The following KCNH2 variants were observed in gnomAD, a reference collection of about 807,000 sequenced individuals.
The protein encoded by KCNH2 is voltage-gated inwardly rectifying potassium channel KCNH2.
Under a neutral mutation model 95.9 loss-of-function variants are expected in KCNH2, and 35 were observed. That is an observed-to-expected ratio of 0.37 (90% CI 0.28 to 0.48). KCNH2 has a LOEUF of 0.48. Ranked by LOEUF, KCNH2 falls within the 20% of genes least tolerant of loss-of-function variation. The probability of loss-of-function intolerance (pLI) is 0.99; values close to 1 mark genes in which losing one functional copy is unlikely to be tolerated. For missense variants in KCNH2, 1,274 were observed against 1,702.9 expected (o/e 0.75, Z 4.43); for synonymous variants, 786 against 754.7 (o/e 1.04, Z -0.68).
chr7:150,948,550 C>G lies in KCNH2; in HGVS notation c.2593-7G>C. 6.2e-7 allele frequency: 1 copy of G among 1,612,630 alleles called. No individual in the cohort carries two copies. The highest frequency in any genetic ancestry group is 8.5e-7 in the Non-Finnish European group (1 of 1,179,142). On this transcript the variant is annotated splice_polypyrimidine_tract_variant and splice_region_variant and intron_variant, in intron 10 of 14. Coordinates refer to ENST00000262186, the MANE Select transcript of KCNH2 (RefSeq NM_000238.4). ...AGCCCGGGATCATGTTGGTCTGGAA[C>G]CAAAATCAGTATCAGGGCCCTTTCA... is the stretch of plus-strand genomic sequence containing the variant.
At position 150,965,136 on chromosome 7, in the gene KCNH2, T is replaced by C. The variant is rs534441583; in HGVS notation, c.308-5400A>G. ...GCTCCTGCCTCCAGGATCTGGGAAA[T>C]GCAGCAGGTTGAGGGGCCCCAAGCT... On this transcript the variant is annotated intron_variant, in intron 2 of 14. Transcript: ENST00000262186. Among the ~76,000 whole-genome samples the C allele has an allele frequency of 2.0e-4, 30 of 152,078 alleles. 1 individual carries two copies. The highest frequency in any genetic ancestry group is 1.8e-3 in the Admixed American group (28 of 15,290).
In KCNH2 at chr7:150,962,330, A is replaced by C. The variant is rs1047769326; in HGVS notation, c.308-2594T>G. Among the ~76,000 whole-genome samples, 4 of 152,130 alleles carry C rather than the reference A, an allele frequency of 2.6e-5. No individual in the cohort carries two copies. Among genetic ancestry groups the C allele is most frequent in the Non-Finnish European group, 5.9e-5 (4 of 68,016 alleles). On this transcript the variant is annotated intron_variant, in intron 2 of 14. Coordinates refer to ENST00000262186, the MANE Select transcript of KCNH2 (RefSeq NM_000238.4). This position sits in a 1 kb window ranked among gnomAD's most constrained non-coding sequence, Gnocchi z 5.7. ...CCAGGCCCTCGAACCTAAGTCCTCC[A>C]CCAGGGAGCTTGCCTCAGAGAAGTC... is the stretch of plus-strand genomic sequence containing the variant.
In KCNH2 at chr7:150,952,464, G is replaced by T. The variant is rs1418058264; in HGVS notation, c.1518C>A (p.Ile506=). ...AGCCGAAGATGAGCAGGTCGAAGGG[G>T]ATGGCGGCCACCATGTCGATGAGGA... is the stretch of plus-strand genomic sequence containing the variant. ...GWFLIDMVAA[I]PFDLLIFGSG... The change falls in exon 6 of 15, where the codon ATC becomes ATA. Residue 506 remains isoleucine (I), a synonymous_variant. Coordinates refer to ENST00000262186, the MANE Select transcript of KCNH2 (RefSeq NM_000238.4). This position sits in a 1 kb window ranked among gnomAD's most constrained non-coding sequence, Gnocchi z 7.3. The T allele has an allele frequency of 1.2e-6, 2 of 1,614,162 alleles. No individual in the cohort carries two copies. The highest frequency in any genetic ancestry group is 2.2e-5 in the East Asian group (1 of 44,876).
intron 13 of KCNH2, 129 bp downstream of exon 13, chr7:150,947,199 G>T: frequency 8.9e-7 from 1 of 1,123,666 alleles, no homozygotes; most frequent in Non-Finnish European, 1.2e-6. Context: ...CCCCAGCTGG[G>T]CTAGGAATGG....
intron 1 of KCNH2, among the ~76,000 whole-genome samples, chr7:150,975,672 G>A (rs1801965516): frequency 6.6e-6 from 1 of 152,242 alleles, no homozygotes; most frequent in Admixed American, 6.5e-5. Context: ...CAAGGCTCCA[G>A]AGAAGTTCGG....
chr7:150,972,789 G>A (rs1192571513), intron 2 of KCNH2, among the ~76,000 whole-genome samples: 1 of 152,212 alleles, frequency 6.6e-6, no homozygotes, highest in East Asian at 1.9e-4. Flanking sequence ...CGAATGGGTT[G>A]GATTAGGTGA....
Position 150,947,628 on chromosome 7 carries a change from G to T in KCNH2, c.2943C>A (p.Ser981Arg). The stretch of plus-strand genomic sequence containing the variant: ...TACCTGACAGGGGGTTGCAAGTGTC[G>T]CTGCTCTTCTCGCAGTCCTCCATCA... Reference protein sequence around the residue: ...EPLMEDCEKSSDTCNPLSGAF... With the variant: ...EPLMEDCEKSRDTCNPLSGAF... Residue 981 changes from serine (S) to arginine (R), a missense_variant, in exon 12 of 15, where the codon AGC (serine) becomes AGA (arginine). Coordinates refer to ENST00000262186, the MANE Select transcript of KCNH2 (RefSeq NM_000238.4). 6.2e-7 allele frequency: 1 copy of T among 1,612,572 alleles called. No individual in the cohort carries two copies. Among genetic ancestry groups the T allele is most frequent in the Non-Finnish European group, 8.5e-7 (1 of 1,179,488 alleles).
chr7:150,970,770 C>G (rs562353611), intron 2 of KCNH2, among the ~76,000 whole-genome samples: 2 of 152,208 alleles, frequency 1.3e-5, no homozygotes, highest in African/African-American at 4.8e-5. Context: ...ATAGGAACAC[C>G]GCTGTCCCCA....
At chr7:150,976,252 G>GATAGGA (rs373542292) in intron 1 of KCNH2, among the ~76,000 whole-genome samples, 14 of 152,232 alleles carry the variant, frequency 9.2e-5, no homozygotes, top group African/African-American at 3.4e-4. Flanking sequence ...GGCACCCTGA[G>GATAGGA]ATAGGCCCAG....
chr7:150,949,753 G>A, intron 9 of KCNH2: 1 of 1,191,652 alleles, frequency 8.4e-7, no homozygotes, highest in Non-Finnish European at 1.1e-6. Context: ...TGGGGGGAGG[G>A]GGCAGGACTC....
rs1801572334 is a variant in KCNH2 at position 150,961,738 on chromosome 7, C to T, written c.308-2002G>A. The stretch of plus-strand genomic sequence containing the variant: ...AGACACCGGCAACCTGGAGGCGACG[C>T]CACCCCTGGGACTTGGAGCTGGTGC... On this transcript the variant is annotated intron_variant, in intron 2 of 14. Transcript: ENST00000262186. This position sits in a 1 kb window ranked among gnomAD's most constrained non-coding sequence, Gnocchi z 6.2. 6.6e-6 allele frequency among the ~76,000 whole-genome samples: 1 copy of T among 152,142 alleles called. No individual in the cohort carries two copies. The highest frequency in any genetic ancestry group is 2.4e-5 in the African/African-American group (1 of 41,404).
intron 5 of KCNH2, among the ~76,000 whole-genome samples, chr7:150,954,830 T>C (rs1426577567): frequency 6.6e-6 from 1 of 152,170 alleles, no homozygotes. Context: ...GAGTAGTGCA[T>C]GGCCCAGCCA....
At chr7:150,973,878 G>T (rs763194781) in intron 2 of KCNH2, among the ~76,000 whole-genome samples, 18 of 152,208 alleles carry the variant, frequency 1.2e-4, no homozygotes, top group Non-Finnish European at 5.9e-5. Flanking sequence ...TGGGACACAC[G>T]CTAGGAAGCA....
Position 150,956,049 on chromosome 7 carries a change from G to T in KCNH2, c.1128+1242C>A, listed in dbSNP as rs116407950. 9.2e-3 allele frequency: 1,498 copies of T among 162,582 alleles called. 26 individuals are homozygous for T. Among genetic ancestry groups the T allele is most frequent in the African/African-American group, 0.034 (1,406 of 41,684 alleles). The allele number at this position is 162,582 out of a possible 1,614,324, so 10.1% of individuals were successfully genotyped here. On this transcript the variant is annotated intron_variant, in intron 5 of 14. Coordinates refer to ENST00000262186, the MANE Select transcript of KCNH2 (RefSeq NM_000238.4). ...AGCCGGTCCAGTGCTGAGCCAGCCA[G>T]AGTCAGACAGAGACACCCAGAGATG...
In KCNH2 at chr7:150,977,965, G is replaced by T; in HGVS notation, c.-52C>A. 8.4e-7 allele frequency: 1 copy of T among 1,185,882 alleles called. No individual in the cohort carries two copies. The highest frequency in any genetic ancestry group is 1.1e-6 in the Non-Finnish European group (1 of 875,606). 73.5% of individuals were successfully genotyped at this position (1,185,882 alleles called of 1,614,324 possible). Reference sequence around the variant, plus strand: ...GCCCCCACCCACCCCGGCCCGGCCCGGCCCAGCACTAGGCTTCGGGTGGCC... The same window carrying T: ...GCCCCCACCCACCCCGGCCCGGCCCTGCCCAGCACTAGGCTTCGGGTGGCC... On this transcript the variant is annotated 5_prime_UTR_variant, in exon 1 of 15. Coordinates refer to ENST00000262186, the MANE Select transcript of KCNH2 (RefSeq NM_000238.4).
chr7:150,962,155 C>T lies in KCNH2; in HGVS notation c.308-2419G>A, dbSNP rs1801582394. 6.6e-6 allele frequency among the ~76,000 whole-genome samples: 1 copy of T among 152,222 alleles called. No individual in the cohort carries two copies. The highest frequency in any genetic ancestry group is 1.5e-5 in the Non-Finnish European group (1 of 68,040). On this transcript the variant is annotated intron_variant, in intron 2 of 14. Coordinates refer to ENST00000262186, the MANE Select transcript of KCNH2 (RefSeq NM_000238.4). This position sits in a 1 kb window ranked among gnomAD's most constrained non-coding sequence, Gnocchi z 5.7. ...GCCCAGCTGGAGACCATTTGGCACC[C>T]AGACAGCCTGCCTGGAGTTTATGCC...
Position 150,958,264 on chromosome 7 carries a change from G to T in KCNH2, c.711C>A (p.Pro237=). Residue 237 remains proline (P), a synonymous_variant, in exon 4 of 15, where the codon CCC becomes CCA. Transcript: ENST00000262186. ...CGGGCGCGCTGCGGGGCGGAGAGCC[G>T]GGACCCACCAGCGCACGCCGCTCCT... ...PAEERRALVG[P]GSPPRSAPGQ... 1.4e-6 allele frequency: 2 copies of T among 1,443,920 alleles called. No homozygotes were observed. Among genetic ancestry groups the T allele is most frequent in the Non-Finnish European group, 1.8e-6 (2 of 1,101,904 alleles). 89.4% of individuals were successfully genotyped at this position (1,443,920 alleles called of 1,614,324 possible).
chr7:150,953,127 C>G (rs1801248019), intron 5 of KCNH2, among the ~76,000 whole-genome samples: 1 of 152,178 alleles, frequency 6.6e-6, no homozygotes, highest in Admixed American at 6.5e-5. Context: ...CAGGAACACC[C>G]AGTGCTGCTC....
intron 10 of KCNH2, 120 bp downstream of exon 10, chr7:150,948,736 A>G: frequency 8.9e-7 from 1 of 1,120,104 alleles, no homozygotes; most frequent in East Asian, 2.5e-5. Flanking sequence ...GCTCTATGAT[A>G]CCATTTGACA....
Sources: gnomAD v4.1 joint callset for allele counts (sites outside exome capture counted in the v4.1 genomes callset) on GRCh38, gnomAD v4.1.1 for gene constraint, Gnocchi (gnomAD v3.1) non-coding constraint, MANE v1.5 for transcripts, NCBI Gene and HGNC (gene_info 2026-07-23, HGNC 2026-07-21) for gene names.